PTPRN: variants seen among roughly 807,000 people sequenced by gnomAD.
PTPRN encodes the protein receptor-type tyrosine-protein phosphatase-like N.
A neutral mutation model predicts 108.5 loss-of-function variants in PTPRN; 70 were observed. The observed-to-expected ratio is 0.65, with a 90% CI of 0.53 to 0.79. The LOEUF (loss-of-function observed/expected upper bound fraction) is 0.79. PTPRN is among the 30% of genes least tolerant of loss of function. PTPRN has a pLI of 0.00. For missense variants in PTPRN, 1,136 were observed against 1,295.5 expected, an observed-to-expected ratio of 0.88 and a Z score of 1.89; for synonymous variants, 496 against 524.6, an observed-to-expected ratio of 0.95 and a Z score of 0.75.
At chr2:219,300,554 C>G (rs1952320818) in intron 8 of PTPRN, 1 of 463,188 alleles carries the variant, frequency 2.2e-6, no homozygotes, top group South Asian at 4.7e-5. Context: ...GACAAACAGG[C>G]AGGCGATGGT....
At chr2:219,308,987 T>C (rs1007933709) in intron 1 of PTPRN, 26 of 1,516,550 alleles carry the variant, frequency 1.7e-5, no homozygotes, top group Non-Finnish European at 2.0e-5. Flanking sequence ...CCTGCAATTT[T>C]CCCCAGAGCC....
At chr2:219,293,603 A>G (rs953331660) in intron 19 of PTPRN, among the ~76,000 whole-genome samples, 5 of 152,230 alleles carry the variant, frequency 3.3e-5, no homozygotes, top group Admixed American at 2.6e-4. Flanking sequence ...AGATCCATGC[A>G]CTAGTTCTAC....
chr2:219,309,024 T>G, intron 1 of PTPRN, 194 bp downstream of exon 1: 2 of 1,493,794 alleles, frequency 1.3e-6, no homozygotes, highest in Non-Finnish European at 1.8e-6. Context: ...CGCCCCCGTA[T>G]TCCCAGCCCC....
At chr2:219,292,423 C>T (rs1952073398) in intron 19 of PTPRN, 1 of 152,240 alleles carries the variant, frequency 6.6e-6, no homozygotes, top group African/African-American at 2.4e-5. Flanking sequence ...AAGCCAGAAC[C>T]AGGGAAGACC....
rs1952202386 is a variant in PTPRN at position 219,296,594 on chromosome 2, A to G, written c.2311-78T>C. On this transcript the variant is annotated intron_variant, in intron 16 of 22. Transcript: ENST00000295718. This position sits in a 1 kb window ranked among gnomAD's most constrained non-coding sequence, Gnocchi z 6.0. Reference sequence around the variant, plus strand: ...CAGGCGTGGTCAGAGCAAGTGGGTCAGGGTCTGAGAAGGCTGGCAGTTCCC... The same window carrying G: ...CAGGCGTGGTCAGAGCAAGTGGGTCGGGGTCTGAGAAGGCTGGCAGTTCCC... 9.5e-6 allele frequency: 15 copies of G among 1,581,026 alleles called. 1 individual carries two copies.
intron 18 of PTPRN, 124 bp from the exon 19 acceptor site, chr2:219,295,265 C>A: frequency 9.2e-7 from 1 of 1,087,380 alleles, no homozygotes; most frequent in South Asian, 1.5e-5. Context: ...GGTTCAAATT[C>A]TAAGTTCCAG....
intron 10 of PTPRN, 29 bp from the exon 11 acceptor site, chr2:219,299,413 TCTC>T: frequency 2.5e-6 from 4 of 1,606,814 alleles, no homozygotes; most frequent in Non-Finnish European, 3.4e-6. Flanking sequence ...GTTACTGCCT[TCTC>T]CACCCCAGAC....
At position 219,296,408 on chromosome 2, in the gene PTPRN, C is replaced by T; in HGVS notation, c.2388+31G>A. ...CCCTGGGACCTCGTGGCCACAAGGA[C>T]CCCAGCGAAGCCCTCCCTTTAAGAG... On this transcript the variant is annotated intron_variant, in intron 17 of 22. Coordinates refer to ENST00000295718, the MANE Select transcript of PTPRN (RefSeq NM_002846.4). The surrounding 1 kb of genome is among the most constrained non-coding windows in gnomAD (Gnocchi z 6.0). 1 of 1,614,062 alleles carries T rather than the reference C, an allele frequency of 6.2e-7. No homozygotes were observed. The highest frequency in any genetic ancestry group is 8.5e-7 in the Non-Finnish European group (1 of 1,179,930).
chr2:219,304,445 A>G (rs530685460), intron 3 of PTPRN, among the ~76,000 whole-genome samples: 31 of 152,194 alleles, frequency 2.0e-4, no homozygotes, highest in African/African-American at 7.0e-4. Context: ...CACCATTATC[A>G]TCATCATCTT....
In PTPRN at chr2:219,309,266, G is replaced by T; in HGVS notation, c.67C>A (p.Leu23Met). Reference protein sequence around the residue: ...SGGLRLLLCLLLLSSRPGGCS... With the variant: ...SGGLRLLLCLMLLSSRPGGCS... ...CCCCCCGGGCGGCTGCTCAGCAGCA[G>T]GAGGCAGAGGAGCAGCCGGAGACCC... The change falls in exon 1 of 23, where the codon CTG (leucine) becomes ATG (methionine). Residue 23 changes from leucine (L) to methionine (M), a missense_variant. By Grantham distance (15) the Leu-to-Met change is conservative. Coordinates refer to ENST00000295718, the MANE Select transcript of PTPRN (RefSeq NM_002846.4). The T allele has an allele frequency of 6.6e-7, 1 of 1,523,328 alleles. No homozygotes were observed. The highest frequency in any genetic ancestry group is 1.4e-5 in the African/African-American group (1 of 72,012). 94.4% of individuals were successfully genotyped at this position (1,523,328 alleles called of 1,614,324 possible).
intron 19 of PTPRN, among the ~76,000 whole-genome samples, chr2:219,293,849 C>T: frequency 6.6e-6 from 1 of 152,342 alleles, no homozygotes; most frequent in Non-Finnish European, 1.5e-5. Flanking sequence ...TGGGCCCCTG[C>T]CCTTGGTAGT....
Position 219,290,466 on chromosome 2 carries a change from T to A in PTPRN, c.2868+72A>T. The stretch of plus-strand genomic sequence containing the variant: ...TGGGAAAGGTTGGCAGCTGCTGCTT[T>A]CCCTGGGGTGGCCAAGAAGTGGGTG... On this transcript the variant is annotated intron_variant, in intron 22 of 22. Transcript: ENST00000295718. This position sits in a 1 kb window ranked among gnomAD's most constrained non-coding sequence, Gnocchi z 4.2. The A allele has an allele frequency of 6.8e-7, 1 of 1,471,152 alleles. No individual in the cohort carries two copies. The allele number at this position is 1,471,152 out of a possible 1,614,324, so 91.1% of individuals were successfully genotyped here.
At chr2:219,300,821 G>T in intron 8 of PTPRN, 122 bp downstream of exon 8, 1 of 1,156,404 alleles carries the variant, frequency 8.6e-7, no homozygotes, top group Non-Finnish European at 1.3e-6. Context: ...CTGGGCCTTG[G>T]TTTCCCCCAA....
chr2:219,290,502 G>T lies in PTPRN; in HGVS notation c.2868+36C>A. The T allele has an allele frequency of 6.5e-7, 1 of 1,537,606 alleles. No homozygotes were observed. The highest frequency in any genetic ancestry group is 8.8e-7 in the Non-Finnish European group (1 of 1,134,880). On this transcript the variant is annotated intron_variant, in intron 22 of 22. Coordinates refer to ENST00000295718, the MANE Select transcript of PTPRN (RefSeq NM_002846.4). This position sits in a 1 kb window ranked among gnomAD's most constrained non-coding sequence, Gnocchi z 4.2. ...GCCAAGAAGTGGGTGCTAGGGAAGG[G>T]TGGGAGCTGGGGTTGGGGCAGGAAG...
intron 8 of PTPRN, 32 bp from the exon 9 acceptor site, chr2:219,300,291 G>A: frequency 1.3e-6 from 2 of 1,527,058 alleles, no homozygotes; most frequent in Non-Finnish European, 1.8e-6. Context: ...TGTGGCCTCT[G>A]GACAGTGCTG....
In PTPRN at chr2:219,296,336, C is replaced by T. The variant is rs1488096290; in HGVS notation, c.2398G>A (p.Glu800Lys). The T allele has an allele frequency of 1.9e-6, 3 of 1,614,126 alleles. No homozygotes were observed. The highest frequency in any genetic ancestry group is 1.7e-5 in the Admixed American group (1 of 60,022). The change falls in exon 18 of 23, where the codon GAG becomes AAG. Residue 800 changes from glutamate (E) to lysine (K), a missense_variant. By Grantham distance (56) the Glu-to-Lys change is moderately conservative. Coordinates refer to ENST00000295718, the MANE Select transcript of PTPRN (RefSeq NM_002846.4). The surrounding 1 kb of genome is among the most constrained non-coding windows in gnomAD (Gnocchi z 6.0). The stretch of plus-strand genomic sequence containing the variant: ...ATGACGATGACGGTGCAGCCGCTCT[C>T]CCACACCATCTAGGGACAGAGACCC... ...TIADFWQMVW[E>K]SGCTVIVMLT...
Position 219,299,398 on chromosome 2 carries a change from G to A in PTPRN, c.1524-14C>T, listed in dbSNP as rs762753329. 1 of 1,613,346 alleles carries A rather than the reference G, an allele frequency of 6.2e-7. No individual in the cohort carries two copies. Among genetic ancestry groups the A allele is most frequent in the South Asian group, 1.1e-5 (1 of 91,074 alleles). On this transcript the variant is annotated splice_polypyrimidine_tract_variant and intron_variant, in intron 10 of 22. Transcript: ENST00000295718. ...GGTCCCACCACACTGCCAGATAGGA[G>A]CTATGTTACTGCCTTCTCCACCCCA...
At chr2:219,291,762 T>G (rs2125087972) in intron 19 of PTPRN, 4 of 576,524 alleles carry the variant, frequency 6.9e-6, no homozygotes, top group South Asian at 6.1e-5. Flanking sequence ...CTGGAACAAC[T>G]GATTTAACCT....
Position 219,291,795 on chromosome 2 carries a change from C to T in PTPRN, c.2676-272G>A, listed in dbSNP as rs1469543331. 6 of 538,774 alleles carry T rather than the reference C, an allele frequency of 1.1e-5. No individual in the cohort carries two copies. The African/African-American group carries it at 1.1e-4, about 10-fold the overall frequency. The allele number at this position is 538,774 out of a possible 1,614,324, so 33.4% of individuals were successfully genotyped here. A position where few individuals can be genotyped will look rare whatever the true frequency, so the allele number is the denominator to read the frequency against. ...CCTCTTTGAGCCTCAGTTTTCTTAC[C>T]TGTAAAATGGAGGATAGTAAGAAAA... On this transcript the variant is annotated intron_variant, in intron 19 of 22. Transcript: ENST00000295718.
Sources: gnomAD v4.1 joint callset for allele counts (sites outside exome capture counted in the v4.1 genomes callset) on GRCh38, gnomAD v4.1.1 for gene constraint, Gnocchi (gnomAD v3.1) non-coding constraint, MANE v1.5 for transcripts, NCBI Gene and HGNC (gene_info 2026-07-23, HGNC 2026-07-21) for gene names.